NELL1: variants seen among roughly 807,000 people sequenced by gnomAD.
The protein encoded by NELL1 is protein kinase C-binding protein NELL1.
Under a neutral mutation model 107.4 loss-of-function variants are expected in NELL1, and 76 were observed. The observed-to-expected ratio is 0.71, with a 90% confidence interval of 0.59 to 0.86. The LOEUF is 0.86. Ranked by LOEUF, NELL1 falls within the 40% of genes least tolerant of loss-of-function variation. The pLI, the probability that NELL1 is intolerant of heterozygous loss-of-function variation, is 0.00. For missense variants in NELL1, 1,024 were observed against 1,005.5 expected (o/e 1.02, Z -0.25); for synonymous variants, 353 against 341.2 (o/e 1.03, Z -0.38).
chr11:21,514,618 C>T (rs998731494), intron 15 of NELL1, among the ~76,000 whole-genome samples: 9 of 152,034 alleles, frequency 5.9e-5, no homozygotes, highest in African/African-American at 2.2e-4. Flanking sequence ...CATCCAGATT[C>T]TTAATGTTGG....
chr11:20,784,980 C>T (rs544109015), intron 3 of NELL1, among the ~76,000 whole-genome samples: 1 of 152,296 alleles, frequency 6.6e-6, no homozygotes, highest in Non-Finnish European at 1.5e-5. Flanking sequence ...GTTAAGTTCA[C>T]TGAATTAAAT....
intron 3 of NELL1, among the ~76,000 whole-genome samples, chr11:20,802,460 C>A (rs961097371): frequency 4.7e-5 from 7 of 148,606 alleles, no homozygotes; most frequent in African/African-American, 1.5e-4. Flanking sequence ...CAGTTCTAAT[C>A]TTTTTGTGGA....
intron 12 of NELL1, among the ~76,000 whole-genome samples, chr11:21,011,086 G>A (rs566080577): frequency 3.2e-4 from 49 of 152,152 alleles, no homozygotes; most frequent in African/African-American, 1.1e-3. Flanking sequence ...TCCCCAGATG[G>A]TTAATCTCAC....
chr11:20,678,345 A>G (rs912377953), intron 2 of NELL1, among the ~76,000 whole-genome samples: 1 of 152,156 alleles, frequency 6.6e-6, no homozygotes, highest in African/African-American at 2.4e-5. Flanking sequence ...TTGACCATCT[A>G]TATTATTGTT....
intron 1 of NELL1, among the ~76,000 whole-genome samples, chr11:20,671,772 TGG>T (rs148740004): frequency 7.1e-6 from 1 of 140,982 alleles, no homozygotes; most frequent in African/African-American, 2.5e-5. Context: ...TACAGATTGA[TGG>T]GGGGGGTGGT....
intron 2 of NELL1, among the ~76,000 whole-genome samples, chr11:20,693,415 C>T (rs1854524585): frequency 6.6e-6 from 1 of 152,072 alleles, no homozygotes; most frequent in African/African-American, 2.4e-5. Context: ...GATTTTGCAG[C>T]AGCTGGTACC....
chr11:20,790,970 T>G (rs1019755373), intron 3 of NELL1, among the ~76,000 whole-genome samples: 1 of 152,238 alleles, frequency 6.6e-6, no homozygotes, highest in Non-Finnish European at 1.5e-5. Context: ...GGAAGTGCTG[T>G]TTGATTATTG....
intron 1 of NELL1, among the ~76,000 whole-genome samples, chr11:20,673,400 G>GAGCATCATTCT (rs141179940): frequency 3.6e-5 from 4 of 112,410 alleles, no homozygotes; most frequent in African/African-American, 1.5e-4. Context: ...TGAGCTCTTG[G>GAGCATCATTCT]AGCATTTTTT....
intron 2 of NELL1, among the ~76,000 whole-genome samples, chr11:20,706,108 C>A (rs1321858430): frequency 6.6e-6 from 1 of 152,100 alleles, no homozygotes. Flanking sequence ...GACAGTGTGG[C>A]GATTCCTCAA....
chr11:21,405,569 T>C (rs1249040291), intron 15 of NELL1, among the ~76,000 whole-genome samples: 1 of 151,998 alleles, frequency 6.6e-6, no homozygotes, highest in Non-Finnish European at 1.5e-5. Context: ...AGTTCTGTTC[T>C]TGTACTATTT....
intron 13 of NELL1, among the ~76,000 whole-genome samples, chr11:21,136,567 A>G (rs539835115): frequency 6.6e-6 from 1 of 152,092 alleles, no homozygotes; most frequent in Non-Finnish European, 1.5e-5. Context: ...ACAGGAAATG[A>G]CTCTGTCCAT....
At chr11:21,458,247 C>A (rs1853800911) in intron 15 of NELL1, among the ~76,000 whole-genome samples, 1 of 151,704 alleles carries the variant, frequency 6.6e-6, no homozygotes. Context: ...GTAAGACTAT[C>A]TCTTTCATAC....
chr11:21,322,663 A>G (rs922493504), intron 14 of NELL1, among the ~76,000 whole-genome samples: 2 of 152,216 alleles, frequency 1.3e-5, no homozygotes, highest in African/African-American at 2.4e-5. Flanking sequence ...GATCCAATAA[A>G]TTGATTTCAT....
chr11:21,463,346 T>C (rs1853947038), intron 15 of NELL1, among the ~76,000 whole-genome samples: 1 of 152,102 alleles, frequency 6.6e-6, no homozygotes, highest in South Asian at 2.1e-4. Context: ...CAAATTAATA[T>C]TCGACCATAT....
chr11:20,696,723 T>C (rs577839910), intron 2 of NELL1, among the ~76,000 whole-genome samples: 7 of 152,298 alleles, frequency 4.6e-5, no homozygotes, highest in Admixed American at 2.0e-4. Context: ...TCTGACACTG[T>C]CACAATAACT....
At chr11:21,413,365 A>G (rs1852427808) in intron 15 of NELL1, among the ~76,000 whole-genome samples, 2 of 151,970 alleles carry the variant, frequency 1.3e-5, no homozygotes, top group Non-Finnish European at 2.9e-5. Flanking sequence ...GGGGGGAGAT[A>G]TAGTAAATGT....
intron 14 of NELL1, among the ~76,000 whole-genome samples, chr11:21,337,837 T>TTTTC (rs1555006223): frequency 0.06 from 5,136 of 86,232 alleles, 187 homozygotes; most frequent in East Asian, 0.1. Context: ...TCTTTCTTTC[T>TTTTC]TTTCTTTCTT....
intron 14 of NELL1, among the ~76,000 whole-genome samples, chr11:21,243,532 A>C (rs1465977965): frequency 6.6e-6 from 1 of 152,126 alleles, no homozygotes; most frequent in Non-Finnish European, 1.5e-5. Context: ...AGCAAATTGT[A>C]ATGAATTTCT....
At position 21,336,668 on chromosome 11, in the gene NELL1, T is replaced by TACAC. The variant is rs561195381; in HGVS notation, c.1550-34184_1550-34183insCACA. 6.6e-4 allele frequency among the ~76,000 whole-genome samples: 38 copies of TACAC among 57,396 alleles called. 1 individual carries two copies. Among genetic ancestry groups the TACAC allele is most frequent in the East Asian group, 4.9e-3 (15 of 3,046 alleles). 37.7% of individuals were successfully genotyped at this position (57,396 alleles called of 152,430 possible). On this transcript the variant is annotated intron_variant, in intron 14 of 19. Coordinates refer to ENST00000357134, the MANE Select transcript of NELL1 (RefSeq NM_006157.5). ...ATGTGTGTGTATATATATATATATA[T>TACAC]ATATATACACACACACACACACATT... is the stretch of plus-strand genomic sequence containing the variant.
Sources: allele counts gnomAD v4.1 joint callset (sites outside exome capture counted in the v4.1 genomes callset), GRCh38; gene constraint gnomAD v4.1.1; transcripts MANE v1.5; gene names NCBI Gene and HGNC (gene_info 2026-07-23, HGNC 2026-07-21).